Variants in XRCC2 observed in about 807,000 individuals in gnomAD.
XRCC2 encodes DNA repair protein XRCC2.
XRCC2 carries 24 observed loss-of-function variants against 27.3 expected under a neutral mutation model. The observed-to-expected ratio is 0.88, with a 90% confidence interval of 0.64 to 1.24. XRCC2 has a LOEUF of 1.24. XRCC2 is among the 50% of genes most tolerant of loss of function. The pLI is 0.00. For missense variants in XRCC2, 321 were observed against 325.8 expected (o/e 0.99, Z 0.11); for synonymous variants, 106 against 115.4 (o/e 0.92, Z 0.52).
At position 152,645,225 on chromosome 7, in the gene XRCC2, TTA is replaced by T. The variant is rs1349266721; in HGVS notation, c.*3415_*3416del. On this transcript the variant is annotated 3_prime_UTR_variant, in exon 3 of 3. Coordinates refer to ENST00000359321, the MANE Select transcript of XRCC2 (RefSeq NM_005431.2). ...ATTTATTTCTAGAAACTTTATATTT[TTA>T]GTTATGATTAAATATTATATATATT... 16 of 151,668 alleles carry T rather than the reference TTA, an allele frequency of 1.1e-4. No individual in the cohort carries two copies. Among genetic ancestry groups the T allele is most frequent in the African/African-American group, 3.6e-4 (15 of 41,398 alleles). The allele number at this position is 151,668 out of a possible 1,614,324, so 9.4% of individuals were successfully genotyped here. A position where few individuals can be genotyped will look rare whatever the true frequency, so the allele number is the denominator to read the frequency against.
At chr7:152,649,411 A>G in intron 2 of XRCC2, 48 bp from the exon 3 acceptor site, 1 of 1,507,426 alleles carries the variant, frequency 6.6e-7, no homozygotes, top group Non-Finnish European at 8.8e-7. Context: ...GCTCAAGGGT[A>G]GGTTACAAAA....
chr7:152,670,819 G>C (rs3218406), intron 1 of XRCC2, among the ~76,000 whole-genome samples: 25 of 152,050 alleles, frequency 1.6e-4, no homozygotes, highest in African/African-American at 4.8e-4. Context: ...GGCTGGTCTC[G>C]AACTCAGGTA....
intron 1 of XRCC2, among the ~76,000 whole-genome samples, chr7:152,665,034 G>T (rs3218447): frequency 2.0e-5 from 3 of 151,960 alleles, no homozygotes; most frequent in Admixed American, 1.3e-4. Flanking sequence ...CCAAATGGCA[G>T]TCGTGGCCCC....
chr7:152,649,004 T>C lies in XRCC2; in HGVS notation c.481A>G (p.Asn161Asp). ...LSAFYWIDRVNGGESVNLQES... is the reference protein window; with the variant it reads ...LSAFYWIDRVDGGESVNLQES... ...TGTAAGTTCACACTTTCTCCTCCAT[T>C]GACGCGGTCTATCCAGTAAAAAGCT... Residue 161 changes from asparagine to aspartate, a missense_variant, in exon 3 of 3, where the codon AAT becomes GAT. Coordinates refer to ENST00000359321, the MANE Select transcript of XRCC2 (RefSeq NM_005431.2). 1 of 1,614,174 alleles carries C rather than the reference T, an allele frequency of 6.2e-7. No individual in the cohort carries two copies. Among genetic ancestry groups the C allele is most frequent in the Non-Finnish European group, 8.5e-7 (1 of 1,180,030 alleles).
intron 1 of XRCC2, among the ~76,000 whole-genome samples, chr7:152,665,151 A>G (rs2098035025): frequency 6.6e-6 from 1 of 152,122 alleles, no homozygotes; most frequent in Non-Finnish European, 1.5e-5. Flanking sequence ...GGCATTCAAT[A>G]TTTCAAGTTG....
At position 152,645,420 on chromosome 7, in the gene XRCC2, T is replaced by C. The variant is rs1261342704; in HGVS notation, c.*3222A>G. On this transcript the variant is annotated 3_prime_UTR_variant, in exon 3 of 3. Coordinates refer to ENST00000359321, the MANE Select transcript of XRCC2 (RefSeq NM_005431.2). The stretch of plus-strand genomic sequence containing the variant: ...CACTGCACTCAGCCTAAAATTCTAT[T>C]TTTTAATTCTGTTGCTGGTACTTAG... 1 of 152,140 alleles carries C rather than the reference T, an allele frequency of 6.6e-6. No individual in the cohort carries two copies. The highest frequency in any genetic ancestry group is 1.5e-5 in the Non-Finnish European group (1 of 68,022). 9.4% of individuals were successfully genotyped at this position (152,140 alleles called of 1,614,324 possible). A position where few individuals can be genotyped will look rare whatever the true frequency, so the allele number is the denominator to read the frequency against.
At chr7:152,650,949 T>A (rs2098028264) in intron 2 of XRCC2, among the ~76,000 whole-genome samples, 1 of 151,558 alleles carries the variant, frequency 6.6e-6, no homozygotes, top group Admixed American at 6.6e-5. Context: ...TTAATTTTAA[T>A]TTTTTTTTGA....
At chr7:152,672,022 CAG>C (rs971034954) in intron 1 of XRCC2, among the ~76,000 whole-genome samples, 8 of 152,156 alleles carry the variant, frequency 5.3e-5, no homozygotes, top group African/African-American at 1.9e-4. Flanking sequence ...GCCTGGGTGA[CAG>C]AGTGAGACCC....
rs1491363989 is a variant in XRCC2 at position 152,674,732 on chromosome 7, T to TTATATAATATATTTTTAA, written c.39+1308_39+1309insTTAAAAATATATTATATA. 8.4e-5 allele frequency among the ~76,000 whole-genome samples: 7 copies of TTATATAATATATTTTTAA among 83,716 alleles called. No individual in the cohort carries two copies. The East Asian group carries it at 3.1e-3, about 37-fold the overall frequency. 54.9% of individuals were successfully genotyped at this position (83,716 alleles called of 152,430 possible). ...ATATAATATATTTTTAAATATATAT[T>TTATATAATATATTTTTAA]ATATATAAATATATTTTTAAATATA... On this transcript the variant is annotated intron_variant, in intron 1 of 2. Transcript: ENST00000359321.
At chr7:152,659,927 T>G (rs2098032332) in intron 2 of XRCC2, among the ~76,000 whole-genome samples, 1 of 151,968 alleles carries the variant, frequency 6.6e-6, no homozygotes, top group African/African-American at 2.4e-5. Context: ...ATAAGCAACA[T>G]GTACACTCAT....
At chr7:152,671,074 CT>C (rs1198531807) in intron 1 of XRCC2, among the ~76,000 whole-genome samples, 1 of 152,050 alleles carries the variant, frequency 6.6e-6, no homozygotes, top group African/African-American at 2.4e-5. Flanking sequence ...AATTAGCTAG[CT>C]ATGGTGGCAC....
At chr7:152,663,842 G>GCCC (rs34500760) in intron 1 of XRCC2, 4 of 146,102 alleles carry the variant, frequency 2.7e-5, no homozygotes, top group African/African-American at 1.0e-4. Flanking sequence ...CTGTCCCCCT[G>GCCC]CCCCCCCCCC....
At chr7:152,662,624 G>C (rs946988737) in intron 1 of XRCC2, among the ~76,000 whole-genome samples, 2 of 128,930 alleles carry the variant, frequency 1.6e-5, no homozygotes, top group Non-Finnish European at 3.1e-5. Flanking sequence ...CCAGGCTGGA[G>C]TGCAGTGGCG....
intron 1 of XRCC2, among the ~76,000 whole-genome samples, chr7:152,667,892 G>C (rs372368794): frequency 6.6e-6 from 1 of 151,906 alleles, no homozygotes; most frequent in African/African-American, 2.4e-5. Context: ...GCTAGGCATG[G>C]TGGTGGGCGC....
At chr7:152,658,739 G>A (rs935465978) in intron 2 of XRCC2, among the ~76,000 whole-genome samples, 5 of 152,246 alleles carry the variant, frequency 3.3e-5, no homozygotes, top group South Asian at 2.1e-4. Context: ...GTTCATCCAC[G>A]TTGTAGCACG....
At position 152,676,098 on chromosome 7, in the gene XRCC2, C is replaced by G. The variant is rs766218058; in HGVS notation, c.-19G>C. On this transcript the variant is annotated 5_prime_UTR_variant, in exon 1 of 3. Coordinates refer to ENST00000359321, the MANE Select transcript of XRCC2 (RefSeq NM_005431.2). ...TACACATCGCCCCGAAGGCTCGGCG[C>G]AGGAGAGACTCAACTTTCCCGCCAC... 1 of 1,613,716 alleles carries G rather than the reference C, an allele frequency of 6.2e-7. No individual in the cohort carries two copies. The highest frequency in any genetic ancestry group is 1.3e-5 in the African/African-American group (1 of 75,056).
At chr7:152,663,373 A>AAAAAAAAAAAAAAAAAAAAAT (rs71182011) in intron 1 of XRCC2, among the ~76,000 whole-genome samples, 1 of 143,646 alleles carries the variant, frequency 7.0e-6, no homozygotes, top group Non-Finnish European at 1.5e-5. Flanking sequence ...AAAAAAAAAA[A>AAAAAAAAAAAAAAAAAAAAAT]GACTGCTTTT....
At chr7:152,666,181 T>A (rs1394950510) in intron 1 of XRCC2, among the ~76,000 whole-genome samples, 1 of 152,182 alleles carries the variant, frequency 6.6e-6, no homozygotes, top group Admixed American at 6.6e-5. Context: ...CATGGACACA[T>A]ATAACATAAA....
rs201683724 is a variant in XRCC2 at position 152,648,322 on chromosome 7, A to G, written c.*320T>C. On this transcript the variant is annotated 3_prime_UTR_variant, in exon 3 of 3. Transcript: ENST00000359321. ...CCTGGGAGGCTGAGGTGGAAGAATCACTTGAACCCAAGAGGCAGAGGCTGC... is the reference window on the plus strand; with the variant it reads ...CCTGGGAGGCTGAGGTGGAAGAATCGCTTGAACCCAAGAGGCAGAGGCTGC... 1 of 182,566 alleles carries G rather than the reference A, an allele frequency of 5.5e-6. No homozygotes were observed. Among genetic ancestry groups the G allele is most frequent in the Non-Finnish European group, 1.1e-5 (1 of 87,246 alleles). 11.3% of individuals were successfully genotyped at this position (182,566 alleles called of 1,614,324 possible).
Sources: allele counts gnomAD v4.1 joint callset (sites outside exome capture counted in the v4.1 genomes callset), GRCh38; gene constraint gnomAD v4.1.1; transcripts MANE v1.5; gene names NCBI Gene and HGNC (gene_info 2026-07-23, HGNC 2026-07-21).